The following SPMIP7 variants were observed in gnomAD, a reference collection of about 807,000 sequenced individuals.
SPMIP7 encodes sperm microtubule inner protein 7.
the SPMIP7 span, among the ~76,000 whole-genome samples, chr7:50,112,081 A>G: frequency 1.3e-5 from 2 of 152,184 alleles, no homozygotes; most frequent in African/African-American, 2.4e-5. Context: ...GTGACAAAAA[A>G]TAATACAAAA....
chr7:50,104,269 T>C, the SPMIP7 span: 1 of 955,244 alleles, frequency 1.0e-6, no homozygotes, highest in East Asian at 2.8e-5. Flanking sequence ...AGAACTTTTA[T>C]TGTGTTTTTA....
the SPMIP7 span, among the ~76,000 whole-genome samples, chr7:50,144,723 T>G: frequency 2.0e-5 from 3 of 152,136 alleles, no homozygotes; most frequent in Admixed American, 6.5e-5. Flanking sequence ...CAGTTTCTAC[T>G]GCAGTTCCTA....
At chr7:50,096,290 C>T in the SPMIP7 span, 2 of 1,551,744 alleles carry the variant, frequency 1.3e-6, no homozygotes, top group East Asian at 4.9e-5. Context: ...TAAATTTCAC[C>T]CTTATCCCCC....
chr7:50,114,767 C>A, the SPMIP7 span, among the ~76,000 whole-genome samples: 1 of 152,116 alleles, frequency 6.6e-6, no homozygotes, highest in South Asian at 2.1e-4. Context: ...AGGTGGCTCA[C>A]GCCTGTAATT....
chr7:50,136,134 T>A, the SPMIP7 span: 22 of 1,551,450 alleles, frequency 1.4e-5, no homozygotes, highest in South Asian at 1.8e-4. Flanking sequence ...TCAAACAAGA[T>A]CTTTCTTGGC....
chr7:50,145,606 G>GTATGTATA, the SPMIP7 span, among the ~76,000 whole-genome samples: 2 of 37,966 alleles, frequency 5.3e-5, no homozygotes, highest in Non-Finnish European at 5.6e-5. Flanking sequence ...GTGTGTGTGT[G>GTATGTATA]TATATGTGTG....
chr7:50,140,647 T>C, the SPMIP7 span, among the ~76,000 whole-genome samples: 10 of 152,220 alleles, frequency 6.6e-5, no homozygotes, highest in Admixed American at 5.2e-4. Context: ...GGTCTTCTCC[T>C]GGTTTTTAGA....
the SPMIP7 span, chr7:50,135,948 T>C: frequency 2.6e-5 from 15 of 575,854 alleles, no homozygotes; most frequent in Admixed American, 3.2e-4. Flanking sequence ...ACCGAATCCA[T>C]GAAGTGCTAG....
chr7:50,118,215 C>G, the SPMIP7 span, among the ~76,000 whole-genome samples: 1 of 152,160 alleles, frequency 6.6e-6, no homozygotes, highest in African/African-American at 2.4e-5. Context: ...TCAAAGAGCT[C>G]TCAGATGGGT....
chr7:50,096,152 A>G, the SPMIP7 span: 5 of 1,549,196 alleles, frequency 3.2e-6, no homozygotes, highest in Non-Finnish European at 4.4e-6. Context: ...CCTTTCAGGA[A>G]CTGTTGAGAA....
At chr7:50,146,980 C>T in the SPMIP7 span, among the ~76,000 whole-genome samples, 1 of 152,340 alleles carries the variant, frequency 6.6e-6, no homozygotes, top group African/African-American at 2.4e-5. Flanking sequence ...GAGAAAACTT[C>T]AGTTGAGGTC....
At chr7:50,106,912 CCAACATAG>C in the SPMIP7 span, among the ~76,000 whole-genome samples, 1 of 151,966 alleles carries the variant, frequency 6.6e-6, no homozygotes, top group East Asian at 1.9e-4. Context: ...ACCAGTCTGG[CCAACATAG>C]CAAAACCCCA....
At chr7:50,102,699 A>G in the SPMIP7 span, among the ~76,000 whole-genome samples, 1 of 152,232 alleles carries the variant, frequency 6.6e-6, no homozygotes, top group Non-Finnish European at 1.5e-5. Context: ...ATTATCATCA[A>G]TCATCATCAT....
At chr7:50,145,610 A>G in the SPMIP7 span, among the ~76,000 whole-genome samples, 2,583 of 35,252 alleles carry the variant, frequency 0.073, 519 homozygotes, top group Non-Finnish European at 0.11. Flanking sequence ...GTGTGTGTAT[A>G]TGTGTGTGTA....
the SPMIP7 span, among the ~76,000 whole-genome samples, chr7:50,115,694 T>C: frequency 1.4e-4 from 22 of 152,342 alleles, no homozygotes; most frequent in Non-Finnish European, 2.9e-4. Flanking sequence ...GTTAGGTTTA[T>C]TCAGGTATGT....
At chr7:50,125,145 TACACAC>T in the SPMIP7 span, among the ~76,000 whole-genome samples, 123 of 54,210 alleles carry the variant, frequency 2.3e-3, no homozygotes, top group South Asian at 3.5e-3. Flanking sequence ...CACACACATA[TACACAC>T]ATATATATAC....
the SPMIP7 span, among the ~76,000 whole-genome samples, chr7:50,100,468 C>A: frequency 6.6e-6 from 1 of 152,140 alleles, no homozygotes; most frequent in Non-Finnish European, 1.5e-5. Flanking sequence ...TTCAGAGTTT[C>A]CTACTCTGCC....
the SPMIP7 span, among the ~76,000 whole-genome samples, chr7:50,107,386 G>GAAAAAAAAAAAAAAAAAAAAAAA: frequency 6.3e-5 from 3 of 47,344 alleles, no homozygotes; most frequent in Admixed American, 6.9e-4. Context: ...AAAAAAAAAA[G>GAAAAAAAAAAAAAAAAAAAAAAA]AAAAGAAAAG....
the SPMIP7 span, among the ~76,000 whole-genome samples, chr7:50,099,123 C>A: frequency 7.2e-5 from 11 of 152,164 alleles, no homozygotes; most frequent in Middle Eastern, 3.2e-3. Context: ...GCTTATTTCA[C>A]TTACCGTAAT....
Sources: allele counts gnomAD v4.1 joint callset (sites outside exome capture counted in the v4.1 genomes callset), GRCh38; gene constraint gnomAD v4.1.1; transcripts MANE v1.5; gene names NCBI Gene and HGNC (gene_info 2026-07-23, HGNC 2026-07-21).